GPR89B: variants seen among roughly 807,000 people sequenced by gnomAD.
GPR89B encodes the protein G protein-coupled receptor 89B.
In GPR89B, 25 loss-of-function variants were observed where a neutral mutation model predicts 52.4. That is an observed-to-expected ratio of 0.48 (90% confidence interval 0.35 to 0.67). The LOEUF (loss-of-function observed/expected upper bound fraction) is 0.67, where lower values mean the gene tolerates loss of function less well. Among genes scored for constraint, GPR89B ranks in the 30% least tolerant of loss-of-function variants. The pLI is 0.01. For missense variants in GPR89B, 146 were observed against 450.2 expected (o/e 0.32, Z 6.11); for synonymous variants, 52 against 151.2 (o/e 0.34, Z 4.81).
the GPR89B span, among the ~76,000 whole-genome samples, chr1:148,000,668 C>T: frequency 1.4e-5 from 2 of 147,634 alleles, no homozygotes; most frequent in East Asian, 2.1e-4. Context: ...TCACAGAGGA[C>T]ATTTATCTTG....
downstream of GPR89B, among the ~76,000 whole-genome samples, chr1:147,995,308 G>A (rs1659289465): frequency 1.3e-5 from 2 of 150,208 alleles, no homozygotes; most frequent in Non-Finnish European, 3.0e-5. Flanking sequence ...TAGATCATCC[G>A]ATTCAGGCTC....
chr1:148,014,832 C>A, the GPR89B span: 1 of 151,890 alleles, frequency 6.6e-6, no homozygotes, highest in Non-Finnish European at 1.5e-5. Flanking sequence ...GGTCCCGCTC[C>A]CCCCTGAGCT....
At position 147,935,897 on chromosome 1, in the gene GPR89B, G is replaced by A. The variant is rs1464819150; in HGVS notation, c.43-730G>A. On this transcript the variant is annotated intron_variant, in intron 1 of 13. Transcript: ENST00000314163. The stretch of plus-strand genomic sequence containing the variant: ...CTACAGGCACACCCCACCACCCCCA[G>A]CTAATTTTTATGTGTGTGTGTTTTT... Among the ~76,000 whole-genome samples the A allele has an allele frequency of 2.6e-5, 4 of 152,030 alleles. No homozygotes were observed. In the East Asian group the frequency reaches 7.7e-4, roughly 29 times the overall value.
chr1:147,970,521 CTCTCTCTCTCTCTATCTCTA>C (rs1415836202), intron 10 of GPR89B, among the ~76,000 whole-genome samples: 33 of 145,048 alleles, frequency 2.3e-4, no homozygotes, highest in South Asian at 4.2e-4. Flanking sequence ...CTCTCTCTCT[CTCTCTCTCTCTCTATCTCTA>C]TCTCTCTCTC....
At chr1:148,001,109 A>G in the GPR89B span, among the ~76,000 whole-genome samples, 8 of 47,978 alleles carry the variant, frequency 1.7e-4, no homozygotes, top group Non-Finnish European at 2.8e-4. Context: ...TTCTTTCAAA[A>G]TCTTAAGACC....
chr1:147,977,859 C>T (rs1472636205), intron 10 of GPR89B, among the ~76,000 whole-genome samples: 6 of 150,508 alleles, frequency 4.0e-5, no homozygotes, highest in South Asian at 2.1e-4. Context: ...CCTTTTTAAA[C>T]GGGTTATTCT....
At chr1:147,951,732 T>C (rs1359945396) in intron 5 of GPR89B, among the ~76,000 whole-genome samples, 2 of 151,872 alleles carry the variant, frequency 1.3e-5, no homozygotes, top group African/African-American at 4.9e-5. Context: ...TGGCTTTGCT[T>C]ACCCCCCTGG....
At chr1:147,950,494 C>T (rs1453434136) in intron 5 of GPR89B, among the ~76,000 whole-genome samples, 2 of 151,940 alleles carry the variant, frequency 1.3e-5, no homozygotes, top group African/African-American at 2.4e-5. Context: ...AGACGATGGG[C>T]GGCCAGGCAG....
chr1:147,985,647 T>C (rs2149092447), intron 10 of GPR89B, among the ~76,000 whole-genome samples: 1 of 152,234 alleles, frequency 6.6e-6, no homozygotes, highest in East Asian at 1.9e-4. Flanking sequence ...TTTTTTTTTT[T>C]AACGTGGTTG....
intron 7 of GPR89B, among the ~76,000 whole-genome samples, chr1:147,965,808 C>T (rs1656987254): frequency 1.3e-5 from 2 of 151,918 alleles, no homozygotes; most frequent in Non-Finnish European, 2.9e-5. Context: ...TGTATTTGGT[C>T]CTTTAGTTAG....
At chr1:148,009,367 C>T in the GPR89B span, 898 of 1,612,082 alleles carry the variant, frequency 5.6e-4, 10 homozygotes, top group South Asian at 5.0e-3. Flanking sequence ...AGAGAGAAGC[C>T]ATGGCTGCCT....
Position 147,937,150 on chromosome 1 carries a change from T to G in GPR89B, c.102+464T>G, listed in dbSNP as rs1485917887. 2.0e-5 allele frequency among the ~76,000 whole-genome samples: 3 copies of G among 150,822 alleles called. 1 individual carries two copies. Among genetic ancestry groups the G allele is most frequent in the African/African-American group, 7.4e-5 (3 of 40,682 alleles). ...CGGTCTGAGAAATAAAGAGAAAGAGTACAAAGAGAGAAATTTTACAGCTGG... is the reference window on the plus strand; with the variant it reads ...CGGTCTGAGAAATAAAGAGAAAGAGGACAAAGAGAGAAATTTTACAGCTGG... On this transcript the variant is annotated intron_variant, in intron 2 of 13. Coordinates refer to ENST00000314163, the MANE Select transcript of GPR89B (RefSeq NM_016334.5).
the GPR89B span, among the ~76,000 whole-genome samples, chr1:148,025,492 C>T: frequency 3.9e-5 from 5 of 128,758 alleles, no homozygotes; most frequent in East Asian, 1.2e-3. Context: ...CACTGCACTC[C>T]AGCCTGGGCA....
the GPR89B span, among the ~76,000 whole-genome samples, chr1:148,013,483 C>T: frequency 6.6e-6 from 1 of 152,098 alleles, no homozygotes; most frequent in African/African-American, 2.4e-5. Flanking sequence ...GAAGGATGGG[C>T]GGACAGACTA....
the GPR89B span, chr1:148,009,442 G>T: frequency 6.2e-7 from 1 of 1,603,188 alleles, no homozygotes; most frequent in East Asian, 2.2e-5. Context: ...TTCATCACAG[G>T]GGAAAGTATA....
intron 3 of GPR89B, 142 bp downstream of exon 3, chr1:147,938,959 G>A (rs1363916757): frequency 3.0e-5 from 21 of 708,382 alleles, no homozygotes; most frequent in Non-Finnish European, 4.9e-5. Flanking sequence ...GATCACAACA[G>A]ATATGGGTCA....
the GPR89B span, among the ~76,000 whole-genome samples, chr1:148,017,787 C>T: frequency 9.3e-6 from 1 of 107,922 alleles, no homozygotes; most frequent in African/African-American, 3.0e-5. Flanking sequence ...AAGTTAACAC[C>T]CCTCACCCCC....
Position 147,969,855 on chromosome 1 carries a change from G to A in GPR89B, c.817-12G>A, listed in dbSNP as rs1225333837. Reference sequence around the variant, plus strand: ...TTGCTGAAAACTATGTTTTGTGTTTGTTTTCCCCCAGGAGAGAATAGAATA... The same window carrying A: ...TTGCTGAAAACTATGTTTTGTGTTTATTTTCCCCCAGGAGAGAATAGAATA... On this transcript the variant is annotated splice_polypyrimidine_tract_variant and intron_variant, in intron 9 of 13. Transcript: ENST00000314163. 5 of 1,359,998 alleles carry A rather than the reference G, an allele frequency of 3.7e-6. No homozygotes were observed. The East Asian group carries it at 1.3e-4, about 34-fold the overall frequency. 84.2% of individuals were successfully genotyped at this position (1,359,998 alleles called of 1,614,324 possible).
chr1:147,984,847 A>G (rs1259421627), intron 10 of GPR89B, among the ~76,000 whole-genome samples: 1 of 151,920 alleles, frequency 6.6e-6, no homozygotes, highest in Non-Finnish European at 1.5e-5. Context: ...ATTTAATTTC[A>G]TGTGGTGTAA....
Sources: allele counts gnomAD v4.1 joint callset (sites outside exome capture counted in the v4.1 genomes callset), GRCh38; gene constraint gnomAD v4.1.1; transcripts MANE v1.5; gene names NCBI Gene and HGNC (gene_info 2026-07-23, HGNC 2026-07-21).